The following G3BP1 variants were observed in gnomAD, a reference collection of about 807,000 sequenced individuals.
G3BP1 encodes ras GTPase-activating protein-binding protein 1.
G3BP1 carries 35 observed loss-of-function variants against 58.6 expected under a neutral mutation model. That is an observed-to-expected ratio of 0.60 (90% CI 0.46 to 0.79). The LOEUF (loss-of-function observed/expected upper bound fraction) is 0.79, where lower values mean the gene tolerates loss of function less well. Among genes scored for constraint, G3BP1 ranks in the 30% least tolerant of loss-of-function variants. The pLI is 0.00. For synonymous variants in G3BP1, 191 were observed against 195.4 expected, an observed-to-expected ratio of 0.98 and a Z score of 0.19; for missense variants, 523 against 580.8, an observed-to-expected ratio of 0.90 and a Z score of 1.02.
At chr5:151,788,538 A>T (rs1380403381) in intron 2 of G3BP1, among the ~76,000 whole-genome samples, 1 of 150,820 alleles carries the variant, frequency 6.6e-6, no homozygotes, top group Admixed American at 6.6e-5. Context: ...AGCTAGGACT[A>T]CAGGCATGCA....
At chr5:151,793,883 G>A (rs939673532) in intron 4 of G3BP1, among the ~76,000 whole-genome samples, 10 of 151,052 alleles carry the variant, frequency 6.6e-5, no homozygotes, top group South Asian at 4.2e-4. Context: ...GCATGGTGGC[G>A]CGCCCCTGTA....
intron 1 of G3BP1, among the ~76,000 whole-genome samples, chr5:151,777,267 A>G (rs1161367692): frequency 2.0e-5 from 3 of 152,246 alleles, no homozygotes; most frequent in Non-Finnish European, 1.5e-5. Context: ...AATACATGAC[A>G]TAATCCTGAA....
rs1047876745 is a variant in G3BP1 at position 151,809,894 on chromosome 5, G to T, written c.*5803G>T. 6.6e-6 allele frequency: 1 copy of T among 152,166 alleles called. No individual in the cohort carries two copies. Among genetic ancestry groups the T allele is most frequent in the Non-Finnish European group, 1.5e-5 (1 of 68,036 alleles). 9.4% of individuals were successfully genotyped at this position (152,166 alleles called of 1,614,324 possible). Reference sequence around the variant, plus strand: ...AGCTCTACCAGGGCTTGTTGTCTAAGGACATTAACTTGTGCTCCCCTCAGG... The same window carrying T: ...AGCTCTACCAGGGCTTGTTGTCTAATGACATTAACTTGTGCTCCCCTCAGG... On this transcript the variant is annotated 3_prime_UTR_variant, in exon 12 of 12. Coordinates refer to ENST00000356245, the MANE Select transcript of G3BP1 (RefSeq NM_005754.3).
chr5:151,781,077 G>A (rs143973267), intron 1 of G3BP1, among the ~76,000 whole-genome samples: 2 of 151,828 alleles, frequency 1.3e-5, no homozygotes, highest in African/African-American at 4.8e-5. Flanking sequence ...AAACTGAATA[G>A]CCTAGAAATA....
intron 2 of G3BP1, among the ~76,000 whole-genome samples, chr5:151,787,596 AC>A (rs1762573146): frequency 1.3e-5 from 2 of 152,216 alleles, no homozygotes; most frequent in African/African-American, 4.8e-5. Flanking sequence ...GATGTAGTGT[AC>A]TTTAATCTCC....
rs971838419 is a variant in G3BP1 at position 151,806,986 on chromosome 5, C to G, written c.*2895C>G. ...TCAGTGGGTCTTAGTTTTTTAAGAC[C>G]TGTTAATTTGTAATTAGACATCTTG... On this transcript the variant is annotated 3_prime_UTR_variant, in exon 12 of 12. Transcript: ENST00000356245. 1 of 151,986 alleles carries G rather than the reference C, an allele frequency of 6.6e-6. No individual in the cohort carries two copies. Among genetic ancestry groups the G allele is most frequent in the African/African-American group, 2.4e-5 (1 of 41,330 alleles). 9.4% of individuals were successfully genotyped at this position (151,986 alleles called of 1,614,324 possible).
At chr5:151,778,496 C>T (rs1581570817) in intron 1 of G3BP1, among the ~76,000 whole-genome samples, 1 of 152,178 alleles carries the variant, frequency 6.6e-6, no homozygotes, top group East Asian at 1.9e-4. Flanking sequence ...GGCTGGAGTG[C>T]AGTGGCGCCA....
In G3BP1 at chr5:151,795,938, C is replaced by T. The variant is rs76993987; in HGVS notation, c.539+363C>T. On this transcript the variant is annotated intron_variant, in intron 6 of 11. Transcript: ENST00000356245. ...GACAGAGACCTATTTAATTAGAGAT[C>T]GGGCATAAATTGATATAAATACCAA... Among the ~76,000 whole-genome samples the T allele has an allele frequency of 7.7e-3, 1,167 of 152,140 alleles. 14 individuals carry two copies. Among genetic ancestry groups the T allele is most frequent in the African/African-American group, 0.026 (1,091 of 41,500 alleles).
At chr5:151,788,902 C>T (rs890374870) in intron 2 of G3BP1, among the ~76,000 whole-genome samples, 11 of 151,596 alleles carry the variant, frequency 7.3e-5, no homozygotes, top group East Asian at 5.8e-4. Context: ...CTTAGTCTCC[C>T]GAGTAGCTAG....
At chr5:151,791,700 AGGCTGGAGTGCAGT>A (rs1762659364) in intron 4 of G3BP1, 1 of 167,894 alleles carries the variant, frequency 6.0e-6, no homozygotes, top group Non-Finnish European at 1.3e-5. Context: ...TGTATCGTCC[AGGCTGGAGTGCAGT>A]GGCTCCATCT....
At chr5:151,789,029 C>T (rs1237326181) in intron 2 of G3BP1, among the ~76,000 whole-genome samples, 5 of 152,158 alleles carry the variant, frequency 3.3e-5, no homozygotes, top group Non-Finnish European at 5.9e-5. Context: ...CCCACCTTGG[C>T]CTCCCAAAGT....
intron 7 of G3BP1, 64 bp downstream of exon 7, chr5:151,797,492 CT>C: frequency 6.7e-7 from 1 of 1,502,390 alleles, no homozygotes. Flanking sequence ...AGTTTCTGTT[CT>C]TTTGTATTGC....
chr5:151,804,061 A>G lies in G3BP1; in HGVS notation c.1371A>G (p.Gly457=). 6.2e-7 allele frequency: 1 copy of G among 1,611,720 alleles called. No homozygotes were observed. The highest frequency in any genetic ancestry group is 8.5e-7 in the Non-Finnish European group (1 of 1,178,542). The change falls in exon 12 of 12, where the codon GGA becomes GGG. Residue 457 remains glycine (G), a synonymous_variant. Transcript: ENST00000356245. ...RGGMVQKPGF[G]VGRGLAPRQ Reference sequence around the variant, plus strand: ...GCATGGTGCAGAAACCAGGATTTGGAGTGGGAAGGGGGCTTGCGCCACGGC... The same window carrying G: ...GCATGGTGCAGAAACCAGGATTTGGGGTGGGAAGGGGGCTTGCGCCACGGC...
chr5:151,790,204 C>T, intron 2 of G3BP1, 119 bp from the exon 3 acceptor site: 1 of 519,392 alleles, frequency 1.9e-6, no homozygotes, highest in Non-Finnish European at 3.5e-6. Context: ...GCACTCCAGC[C>T]TGGGTGACAG....
At chr5:151,781,909 T>C (rs1762478219) in intron 1 of G3BP1, among the ~76,000 whole-genome samples, 1 of 152,154 alleles carries the variant, frequency 6.6e-6, no homozygotes, top group Admixed American at 6.5e-5. Flanking sequence ...CTCTGGGCTA[T>C]CCATGCCCCT....
At chr5:151,780,081 C>T (rs1006235100) in intron 1 of G3BP1, among the ~76,000 whole-genome samples, 3 of 152,076 alleles carry the variant, frequency 2.0e-5, no homozygotes, top group African/African-American at 7.2e-5. Flanking sequence ...CCTGTAGGCT[C>T]TTTTTTTTAC....
chr5:151,809,593 A>C lies in G3BP1; in HGVS notation c.*5502A>C, dbSNP rs1328579312. 1 of 152,214 alleles carries C rather than the reference A, an allele frequency of 6.6e-6. No individual in the cohort carries two copies. Among genetic ancestry groups the C allele is most frequent in the Non-Finnish European group, 1.5e-5 (1 of 68,042 alleles). The allele number at this position is 152,214 out of a possible 1,614,324, so 9.4% of individuals were successfully genotyped here. ...ACAGAGAAACTCTCAGAATTCTTTG[A>C]ATCATAGAATGTTAGTGCTGGAAAG... On this transcript the variant is annotated 3_prime_UTR_variant, in exon 12 of 12. Transcript: ENST00000356245.
rs376154734 is a variant in G3BP1 at position 151,800,170 on chromosome 5, A to G, written c.956-48A>G. 1.9e-5 allele frequency: 31 copies of G among 1,591,236 alleles called. No individual in the cohort carries two copies. In the South Asian group the frequency reaches 3.1e-4, roughly 16 times the overall value. ...ATTGAATGTGAGCAGTCATTGAAAG[A>G]TGTCTTCTTTCTCTTGTCTTTCATT... On this transcript the variant is annotated intron_variant, in intron 9 of 11. Transcript: ENST00000356245.
intron 1 of G3BP1, among the ~76,000 whole-genome samples, chr5:151,785,084 A>G (rs1474522617): frequency 6.6e-6 from 1 of 152,214 alleles, no homozygotes; most frequent in African/African-American, 2.4e-5. Flanking sequence ...TAAACTAATG[A>G]CGAAATGATC....
Sources: gnomAD v4.1 joint callset for allele counts (sites outside exome capture counted in the v4.1 genomes callset) on GRCh38, gnomAD v4.1.1 for gene constraint, MANE v1.5 for transcripts, NCBI Gene and HGNC (gene_info 2026-07-23, HGNC 2026-07-21) for gene names.